The following DEPDC1B variants were observed in gnomAD, a reference collection of about 807,000 sequenced individuals.
DEPDC1B encodes the protein DEP domain-containing protein 1B.
Under a neutral mutation model 66.5 loss-of-function variants are expected in DEPDC1B, and 51 were observed. The observed-to-expected ratio is 0.77, with a 90% confidence interval of 0.61 to 0.97. DEPDC1B has a LOEUF of 0.97. DEPDC1B is among the 50% of genes least tolerant of loss of function. The pLI, the probability that DEPDC1B is intolerant of heterozygous loss-of-function variation, is 0.00. For missense variants in DEPDC1B, 552 were observed against 637.1 expected (o/e 0.87, Z 1.44); for synonymous variants, 226 against 223.6 (o/e 1.01, Z -0.10).
rs1279677231 is a variant in DEPDC1B, at chr5:60,603,502, T to A, written c.1131A>T (p.Leu377Phe). The A allele has an allele frequency of 6.2e-7, 1 of 1,611,886 alleles. No homozygotes were observed. The highest frequency in any genetic ancestry group is 8.5e-7 in the Non-Finnish European group (1 of 1,179,470). ...TCAGAAACGTTACCAATCTAGCAGC[T>A]AATAACTCATCCAAGTCCACTTCAT... Reference protein sequence around the residue: ...SKDEVDLDELLAARLVTFLMD... With the variant: ...SKDEVDLDELFAARLVTFLMD... Residue 377 changes from leucine to phenylalanine, a missense_variant, in exon 9 of 11, where the codon TTA becomes TTT. Coordinates refer to ENST00000265036, the MANE Select transcript of DEPDC1B (RefSeq NM_018369.3).
At chr5:60,607,600 A>G (rs950171524) in intron 7 of DEPDC1B, among the ~76,000 whole-genome samples, 1 of 152,156 alleles carries the variant, frequency 6.6e-6, no homozygotes, top group African/African-American at 2.4e-5. Context: ...GCAAAAAGAT[A>G]TAGAAATACA....
chr5:60,614,576 T>G (rs1283287424), intron 7 of DEPDC1B, among the ~76,000 whole-genome samples: 2 of 152,226 alleles, frequency 1.3e-5, no homozygotes, highest in Non-Finnish European at 2.9e-5. Flanking sequence ...ATTTATCATA[T>G]GATAGGAATT....
chr5:60,598,125 T>A (rs1196876887), intron 10 of DEPDC1B, among the ~76,000 whole-genome samples: 11 of 152,220 alleles, frequency 7.2e-5, no homozygotes, highest in Admixed American at 1.3e-4. Context: ...TTTCTGAAAA[T>A]TCCCCCCACT....
At chr5:60,658,905 G>C (rs757244527) in intron 2 of DEPDC1B, among the ~76,000 whole-genome samples, 1 of 152,162 alleles carries the variant, frequency 6.6e-6, no homozygotes, top group Non-Finnish European at 1.5e-5. Context: ...GTCGCAGACC[G>C]GCCACTGACT....
At chr5:60,656,122 T>C (rs558090059) in intron 2 of DEPDC1B, among the ~76,000 whole-genome samples, 1 of 152,132 alleles carries the variant, frequency 6.6e-6, no homozygotes, top group African/African-American at 2.4e-5. Context: ...TGTAAATATC[T>C]CTTAAGTCCA....
At chr5:60,675,590 TA>T (rs1754135194) in intron 2 of DEPDC1B, among the ~76,000 whole-genome samples, 1 of 152,212 alleles carries the variant, frequency 6.6e-6, no homozygotes, top group Admixed American at 6.5e-5. Flanking sequence ...AATTTCAGAT[TA>T]ATGAACAATA....
chr5:60,617,346 T>C lies in DEPDC1B; in HGVS notation c.899-11490A>G, dbSNP rs141388384. ...CAATTAAAAGACCCAAACTGGCAAATTGGATAAAGAGTCAAGACTCATCAG... is the reference window on the plus strand; with the variant it reads ...CAATTAAAAGACCCAAACTGGCAAACTGGATAAAGAGTCAAGACTCATCAG... On this transcript the variant is annotated intron_variant, in intron 7 of 10. Coordinates refer to ENST00000265036, the MANE Select transcript of DEPDC1B (RefSeq NM_018369.3). Among the ~76,000 whole-genome samples the C allele has an allele frequency of 3.2e-3, 487 of 152,184 alleles. 3 individuals carry two copies. The highest frequency in any genetic ancestry group is 0.011 in the African/African-American group (455 of 41,492).
intron 2 of DEPDC1B, among the ~76,000 whole-genome samples, chr5:60,682,969 C>T (rs955521418): frequency 4.6e-5 from 7 of 152,056 alleles, no homozygotes; most frequent in African/African-American, 1.7e-4. Context: ...GATACCAAAA[C>T]CAGACAAAGA....
intron 2 of DEPDC1B, among the ~76,000 whole-genome samples, chr5:60,659,226 A>G (rs1040546290): frequency 6.6e-6 from 1 of 152,060 alleles, no homozygotes; most frequent in Non-Finnish European, 1.5e-5. Context: ...CCATCTTGAG[A>G]GCGGCCCGTC....
chr5:60,638,209 C>T (rs1413983565), intron 7 of DEPDC1B, among the ~76,000 whole-genome samples: 1 of 152,052 alleles, frequency 6.6e-6, no homozygotes, highest in Non-Finnish European at 1.5e-5. Context: ...TTCCTTTCTA[C>T]CATGTTCCTT....
chr5:60,644,205 A>G (rs1306964195), intron 5 of DEPDC1B, among the ~76,000 whole-genome samples: 3 of 152,228 alleles, frequency 2.0e-5, no homozygotes, highest in Non-Finnish European at 4.4e-5. Flanking sequence ...AAACCATGTT[A>G]GGTGGCTGTT....
chr5:60,679,844 T>G (rs886473587), intron 2 of DEPDC1B, among the ~76,000 whole-genome samples: 1 of 152,222 alleles, frequency 6.6e-6, no homozygotes, highest in South Asian at 2.1e-4. Flanking sequence ...TTTATTTGTA[T>G]AGAACCCACT....
chr5:60,615,737 G>C (rs1005142386), intron 7 of DEPDC1B, among the ~76,000 whole-genome samples: 10 of 152,212 alleles, frequency 6.6e-5, no homozygotes, highest in Admixed American at 6.5e-5. Flanking sequence ...CCAAACAAAA[G>C]GGAGCAATAA....
At chr5:60,646,599 A>C (rs1753321434) in intron 3 of DEPDC1B, among the ~76,000 whole-genome samples, 1 of 152,242 alleles carries the variant, frequency 6.6e-6, no homozygotes, top group Non-Finnish European at 1.5e-5. Flanking sequence ...TTGCATCTGT[A>C]CTGAACATGT....
chr5:60,614,262 C>G (rs920755740), intron 7 of DEPDC1B, among the ~76,000 whole-genome samples: 2 of 152,150 alleles, frequency 1.3e-5, no homozygotes, highest in Non-Finnish European at 2.9e-5. Flanking sequence ...AATAAACAAC[C>G]CAACTTTTAA....
chr5:60,614,431 T>C (rs773688850), intron 7 of DEPDC1B, among the ~76,000 whole-genome samples: 14 of 152,220 alleles, frequency 9.2e-5, no homozygotes, highest in South Asian at 6.2e-4. Flanking sequence ...CAAGGGATCC[T>C]TCTGCTTCAG....
At chr5:60,674,134 A>C (rs771513173) in intron 2 of DEPDC1B, among the ~76,000 whole-genome samples, 9 of 152,198 alleles carry the variant, frequency 5.9e-5, no homozygotes, top group Non-Finnish European at 1.3e-4. Context: ...AAAAAAAAAA[A>C]AATTTCAAGG....
intron 1 of DEPDC1B, among the ~76,000 whole-genome samples, chr5:60,694,634 T>C (rs910076455): frequency 6.6e-6 from 1 of 152,240 alleles, no homozygotes; most frequent in African/African-American, 2.4e-5. Flanking sequence ...TTCATATCTT[T>C]ACCTTTAGTC....
Position 60,597,404 on chromosome 5 carries a change from G to T in DEPDC1B, c.*349C>A, listed in dbSNP as rs1187560764. 5.3e-6 allele frequency: 1 copy of T among 187,128 alleles called. No homozygotes were observed. Among genetic ancestry groups the T allele is most frequent in the East Asian group, 1.8e-4 (1 of 5,656 alleles). 11.6% of individuals were successfully genotyped at this position (187,128 alleles called of 1,614,324 possible). A position where few individuals can be genotyped will look rare whatever the true frequency, so the allele number is the denominator to read the frequency against. On this transcript the variant is annotated 3_prime_UTR_variant, in exon 11 of 11. Transcript: ENST00000265036. ...AATTAAGTCTTAAGGCTATAATAAA[G>T]ATATCAGTAGCTAGGATGTATATAC...
Sources: gnomAD v4.1 joint callset for allele counts (sites outside exome capture counted in the v4.1 genomes callset) on GRCh38, gnomAD v4.1.1 for gene constraint, MANE v1.5 for transcripts, NCBI Gene and HGNC (gene_info 2026-07-23, HGNC 2026-07-21) for gene names.